The following COL27A1 variants were observed in gnomAD, a reference collection of about 807,000 sequenced individuals.
The protein encoded by COL27A1 is collagen alpha-1(XXVII) chain.
In COL27A1, 106 loss-of-function variants were observed where a neutral mutation model predicts 251.3. That is an observed-to-expected ratio of 0.42 (90% CI 0.36 to 0.50). The LOEUF (loss-of-function observed/expected upper bound fraction) is 0.50. COL27A1 is among the 20% of genes least tolerant of loss of function. COL27A1 has a pLI of 0.00. For missense variants in COL27A1, 2,325 were observed against 2,522.8 expected (o/e 0.92, Z 1.68); for synonymous variants, 1,000 against 986.3 (o/e 1.01, Z -0.26).
chr9:114,162,422 G>A (rs1186713603), intron 1 of COL27A1, among the ~76,000 whole-genome samples: 2 of 152,226 alleles, frequency 1.3e-5, no homozygotes, highest in African/African-American at 2.4e-5. Context: ...AATGACCAGG[G>A]CAGGGCTTTC....
chr9:114,219,712 C>G (rs765786363), intron 12 of COL27A1, 79 bp from the exon 13 acceptor site: 3 of 1,002,506 alleles, frequency 3.0e-6, no homozygotes, highest in Non-Finnish European at 4.8e-6. Flanking sequence ...TTGTGTCCCC[C>G]CTGGGGGTCT....
At chr9:114,231,231 G>A (rs1174257318) in intron 15 of COL27A1, 99 bp downstream of exon 15, 2 of 1,160,238 alleles carry the variant, frequency 1.7e-6, no homozygotes, top group Non-Finnish European at 2.6e-6. Context: ...TGATGCTGGG[G>A]GAAGGGAGGA....
intron 23 of COL27A1, among the ~76,000 whole-genome samples, chr9:114,244,587 G>A (rs1832984882): frequency 6.6e-6 from 1 of 152,148 alleles, no homozygotes; most frequent in African/African-American, 2.4e-5. Flanking sequence ...GGGAGCGCAG[G>A]TCATCCATAT....
At chr9:114,218,955 T>G (rs1830898602) in intron 12 of COL27A1, among the ~76,000 whole-genome samples, 1 of 126,272 alleles carries the variant, frequency 7.9e-6, no homozygotes, top group Admixed American at 7.5e-5. Flanking sequence ...TGCTTTGTTT[T>G]TTTTTTTTTT....
At chr9:114,256,012 A>G (rs188432736) in intron 27 of COL27A1, among the ~76,000 whole-genome samples, 2 of 152,308 alleles carry the variant, frequency 1.3e-5, no homozygotes, top group African/African-American at 4.8e-5. Context: ...CCTCCTGCAT[A>G]ACTGTGTGCT....
intron 55 of COL27A1, 63 bp from the exon 56 acceptor site, chr9:114,302,019 C>T: frequency 6.7e-7 from 1 of 1,496,028 alleles, no homozygotes; most frequent in Non-Finnish European, 9.3e-7. Flanking sequence ...GGTCTCCTGA[C>T]ACCCTCTCAG....
In COL27A1 at chr9:114,265,110, T is replaced by C; in HGVS notation, c.3339T>C (p.Pro1113=). Residue 1113 remains proline, a splice_region_variant and synonymous_variant, in exon 31 of 61, where the codon CCT becomes CCC. Coordinates refer to ENST00000356083, the MANE Select transcript of COL27A1 (RefSeq NM_032888.4). The part of the protein sequence containing the change: ...ERGHLGSRGF[P]GIPGPSGPPG... ...GCCACTTGGGCTCGAGAGGCTTTCC[T>C]GTAAGTAGCACCAGTTCTTGAAATT... 1 of 1,478,986 alleles carries C rather than the reference T, an allele frequency of 6.8e-7. No homozygotes were observed. The highest frequency in any genetic ancestry group is 9.1e-7 in the Non-Finnish European group (1 of 1,094,638). The allele number at this position is 1,478,986 out of a possible 1,614,324, so 91.6% of individuals were successfully genotyped here.
intron 56 of COL27A1, among the ~76,000 whole-genome samples, chr9:114,302,543 A>G (rs530657235): frequency 1.3e-5 from 2 of 152,220 alleles, no homozygotes; most frequent in Admixed American, 1.3e-4. Context: ...CCTGACCAAC[A>G]TGGTGAAACC....
rs1390553378 is a variant in COL27A1, at chr9:114,252,862, C to A, written c.3088-17C>A. On this transcript the variant is annotated splice_polypyrimidine_tract_variant and intron_variant, in intron 26 of 60. Coordinates refer to ENST00000356083, the MANE Select transcript of COL27A1 (RefSeq NM_032888.4). ...CTTCCATAGCTGATTCCTCCTTTGT[C>A]TTCTCTGTCTTGGCAGGGTCATCCT... The A allele has an allele frequency of 6.2e-7, 1 of 1,613,424 alleles. No homozygotes were observed. Among genetic ancestry groups the A allele is most frequent in the African/African-American group, 1.3e-5 (1 of 75,040 alleles).
At chr9:114,192,336 G>A (rs529665676) in intron 5 of COL27A1, among the ~76,000 whole-genome samples, 34 of 152,244 alleles carry the variant, frequency 2.2e-4, no homozygotes, top group East Asian at 5.8e-4. Flanking sequence ...TGGAATCCTC[G>A]GTAGCCCTAG....
intron 6 of COL27A1, 41 bp downstream of exon 6, chr9:114,194,498 T>G: frequency 6.5e-7 from 1 of 1,533,568 alleles, no homozygotes; most frequent in Non-Finnish European, 9.0e-7. Context: ...AAGAGGGGAG[T>G]GGATGATAGT....
chr9:114,278,848 C>T (rs1835727385), intron 37 of COL27A1, among the ~76,000 whole-genome samples: 1 of 152,008 alleles, frequency 6.6e-6, no homozygotes, highest in Admixed American at 6.5e-5. Context: ...ACTCTGTGGC[C>T]TGGAAACAGT....
chr9:114,239,733 A>G (rs1427848121), intron 19 of COL27A1, among the ~76,000 whole-genome samples: 1 of 152,188 alleles, frequency 6.6e-6, no homozygotes, highest in Non-Finnish European at 1.5e-5. Context: ...AGATGTAGGA[A>G]GGACTTAAGC....
At chr9:114,170,713 T>C (rs922973431) in intron 3 of COL27A1, among the ~76,000 whole-genome samples, 3 of 152,224 alleles carry the variant, frequency 2.0e-5, no homozygotes, top group Non-Finnish European at 2.9e-5. Context: ...AACGTTCTGC[T>C]CAAGTTCCGT....
intron 32 of COL27A1, among the ~76,000 whole-genome samples, chr9:114,265,975 C>T (rs773151925): frequency 7.2e-5 from 11 of 152,156 alleles, no homozygotes; most frequent in South Asian, 2.1e-4. Context: ...GCAGAAAGGG[C>T]GATCAGCTTG....
chr9:114,215,408 G>A (rs1294019394), intron 12 of COL27A1, among the ~76,000 whole-genome samples: 1 of 152,242 alleles, frequency 6.6e-6, no homozygotes, highest in Non-Finnish European at 1.5e-5. Flanking sequence ...TGACCCAGAT[G>A]TGAACCAGAG....
At chr9:114,302,239 G>C in intron 56 of COL27A1, 131 bp downstream of exon 56, 1 of 742,668 alleles carries the variant, frequency 1.3e-6, no homozygotes, top group East Asian at 2.5e-5. Flanking sequence ...ATGTCCTTTT[G>C]TCACTTCATA....
intron 14 of COL27A1, 121 bp downstream of exon 14, chr9:114,222,388 AC>A (rs1456156247): frequency 8.7e-6 from 5 of 575,388 alleles, no homozygotes; most frequent in African/African-American, 7.2e-5. Context: ...CTCTCATCAA[AC>A]CCCCAGAGGG....
At chr9:114,259,285 A>G (rs1255984047) in intron 28 of COL27A1, among the ~76,000 whole-genome samples, 3 of 152,162 alleles carry the variant, frequency 2.0e-5, no homozygotes, top group East Asian at 1.9e-4. Flanking sequence ...AGCCACAGCT[A>G]TACTCCAAGG....
Sources: gnomAD v4.1 joint callset for allele counts (sites outside exome capture counted in the v4.1 genomes callset) on GRCh38, gnomAD v4.1.1 for gene constraint, MANE v1.5 for transcripts, NCBI Gene and HGNC (gene_info 2026-07-23, HGNC 2026-07-21) for gene names.